Variants in C4orf51 observed in about 807,000 individuals in gnomAD.
C4orf51 encodes the protein uncharacterized protein C4orf51.
C4orf51 carries 25 observed loss-of-function variants against 25.2 expected under a neutral mutation model. The ratio of observed to expected loss-of-function variants is 0.99; its 90% CI spans 0.72 to 1.39. The LOEUF (loss-of-function observed/expected upper bound fraction) is 1.39, where lower values mean the gene tolerates loss of function less well. Ranked by LOEUF, C4orf51 falls within the 40% of genes most tolerant of loss-of-function variation. The pLI, the probability that C4orf51 is intolerant of heterozygous loss-of-function variation, is 0.00. For missense variants in C4orf51, 252 were observed against 239.6 expected (o/e 1.05, Z -0.34); for synonymous variants, 100 against 84.5 (o/e 1.18, Z -1.01).
At chr4:145,687,272 T>C (rs1316517258) in intron 1 of C4orf51, among the ~76,000 whole-genome samples, 3 of 152,162 alleles carry the variant, frequency 2.0e-5, no homozygotes, top group Admixed American at 2.0e-4. Context: ...TCTTCCTGCC[T>C]TTGCTTCAAG....
chr4:145,717,207 A>C (rs1373186932), intron 2 of C4orf51, among the ~76,000 whole-genome samples: 2 of 152,206 alleles, frequency 1.3e-5, no homozygotes, highest in Non-Finnish European at 2.9e-5. Context: ...TGGAAACATG[A>C]GTAGCGAAAG....
intron 2 of C4orf51, among the ~76,000 whole-genome samples, chr4:145,701,904 C>A (rs986360335): frequency 1.8e-4 from 27 of 152,184 alleles, no homozygotes; most frequent in African/African-American, 6.5e-4. Flanking sequence ...TGGACTACAG[C>A]CGCATCTCAT....
chr4:145,729,053 T>G (rs1732271231), intron 3 of C4orf51, 116 bp from the exon 4 acceptor site: 4 of 725,788 alleles, frequency 5.5e-6, no homozygotes, highest in Non-Finnish European at 9.6e-6. Flanking sequence ...TTGACAGCAG[T>G]ATCAGTGCTT....
At chr4:145,769,222 A>G (rs952844549) in intron 1 of C4orf51, among the ~76,000 whole-genome samples, 4 of 151,656 alleles carry the variant, frequency 2.6e-5, no homozygotes, top group Non-Finnish European at 5.9e-5. Context: ...CATGAGGAGC[A>G]ATGGTATATG....
At chr4:145,776,513 CT>C in the C4orf51 span, among the ~76,000 whole-genome samples, 3 of 150,118 alleles carry the variant, frequency 2.0e-5, no homozygotes, top group Admixed American at 6.7e-5. Flanking sequence ...AGATAACCTG[CT>C]TTTTTTTTCC....
At chr4:145,708,229 A>T (rs1730940054) in intron 2 of C4orf51, among the ~76,000 whole-genome samples, 1 of 152,232 alleles carries the variant, frequency 6.6e-6, no homozygotes, top group African/African-American at 2.4e-5. Context: ...TAGTTATGAA[A>T]GACTGAAGAG....
At chr4:145,698,257 G>C (rs1274374972) in intron 2 of C4orf51, among the ~76,000 whole-genome samples, 1 of 152,190 alleles carries the variant, frequency 6.6e-6, no homozygotes, top group African/African-American at 2.4e-5. Flanking sequence ...TTTTGCCAAG[G>C]TGAAGGACAC....
intron 3 of C4orf51, among the ~76,000 whole-genome samples, chr4:145,727,725 A>AG (rs1010393305): frequency 2.0e-5 from 3 of 149,662 alleles, no homozygotes; most frequent in African/African-American, 7.4e-5. Flanking sequence ...AAAAAAAAAA[A>AG]TACAAAATTA....
chr4:145,727,089 C>T (rs1056873809), intron 3 of C4orf51, 120 bp downstream of exon 3: 20 of 711,866 alleles, frequency 2.8e-5, no homozygotes, highest in South Asian at 2.6e-4. Flanking sequence ...ATTCACCAAA[C>T]GTTTATTCCT....
At chr4:145,726,063 A>T (rs1470320097) in intron 2 of C4orf51, among the ~76,000 whole-genome samples, 1 of 152,176 alleles carries the variant, frequency 6.6e-6, no homozygotes, top group East Asian at 1.9e-4. Context: ...ATCATAGGAG[A>T]ACATAGCAGA....
chr4:145,729,387 T>C (rs767749057), intron 4 of C4orf51, among the ~76,000 whole-genome samples, 158 bp downstream of exon 4: 44 of 139,256 alleles, frequency 3.2e-4, no homozygotes, highest in South Asian at 9.8e-4. Context: ...CTGCAAGCTC[T>C]GCCTCCCACG....
intron 1 of C4orf51, among the ~76,000 whole-genome samples, chr4:145,688,374 G>C (rs138244777): frequency 2.1e-3 from 326 of 152,268 alleles, no homozygotes; most frequent in African/African-American, 7.6e-3. Flanking sequence ...AAAGATGATA[G>C]ATGTGGTTTG....
chr4:145,693,203 GA>G (rs1417621917), intron 1 of C4orf51, among the ~76,000 whole-genome samples: 2 of 149,488 alleles, frequency 1.3e-5, no homozygotes, highest in Non-Finnish European at 3.0e-5. Flanking sequence ...TTGTGTCCCT[GA>G]TTACTTGAGA....
Position 145,762,966 on chromosome 4 carries a change from C to T in C4orf51, n.167-8022C>T. On this transcript the variant is annotated intron_variant and non_coding_transcript_variant, in intron 1 of 1. Coordinates refer to the C4orf51 transcript ENST00000510096. The surrounding 1 kb of genome is among the most constrained non-coding windows in gnomAD (Gnocchi z 4.9). ...CAACCAAGTGCACCGTGCACGGCCT[C>T]CTCAGCGCCAAGCTCGCCGTTAGCC... 1.1e-6 allele frequency: 1 copy of T among 923,396 alleles called. No homozygotes were observed. Among genetic ancestry groups the T allele is most frequent in the African/African-American group, 1.7e-5 (1 of 60,364 alleles). 57.2% of individuals were successfully genotyped at this position (923,396 alleles called of 1,614,324 possible).
the C4orf51 span, among the ~76,000 whole-genome samples, chr4:145,782,131 G>A: frequency 1.3e-5 from 2 of 152,180 alleles, no homozygotes; most frequent in East Asian, 1.9e-4. Flanking sequence ...TCCAAGCCTC[G>A]TCTAGGAATC....
intron 2 of C4orf51, among the ~76,000 whole-genome samples, chr4:145,723,204 T>A (rs767202920): frequency 5.4e-4 from 83 of 152,298 alleles, no homozygotes; most frequent in Non-Finnish European, 9.3e-4. Context: ...ACACTTATAC[T>A]GGCCAACAAT....
chr4:145,724,439 A>G (rs1330866040), intron 2 of C4orf51, among the ~76,000 whole-genome samples: 3 of 152,212 alleles, frequency 2.0e-5, no homozygotes, highest in African/African-American at 7.2e-5. Flanking sequence ...ATAGCACACA[A>G]AGCAATGAAC....
At chr4:145,732,858 G>A, downstream of C4orf51, 1 of 210,202 alleles carries the variant, frequency 4.8e-6, no homozygotes, top group Non-Finnish European at 9.5e-6. Context: ...CCGACCGTCG[G>A]GGGCTCCGGC....
chr4:145,729,930 A>G lies in C4orf51; in HGVS notation c.466A>G (p.Asn156Asp), dbSNP rs1732367800. The change falls in exon 5 of 6, where the codon AAC becomes GAC. Residue 156 changes from asparagine (N) to aspartate (D), a missense_variant. Physicochemically the swap from Asn to Asp is conservative, Grantham distance 23 (BLOSUM62 1). Transcript: ENST00000438731. ...AAAGCCAGCACAGGAGGCCCTGATA[A>G]ACTACAGTCGACGAGGGAAAGGTGT... ...PKKPAQEALI[N>D]YSRRGKGVLK... 1 of 1,613,858 alleles carries G rather than the reference A, an allele frequency of 6.2e-7. No individual in the cohort carries two copies. Among genetic ancestry groups the G allele is most frequent in the African/African-American group, 1.3e-5 (1 of 74,926 alleles).
Sources: allele counts gnomAD v4.1 joint callset (sites outside exome capture counted in the v4.1 genomes callset), GRCh38; gene constraint gnomAD v4.1.1; non-coding constraint Gnocchi (gnomAD v3.1); transcripts MANE v1.5; gene names NCBI Gene and HGNC (gene_info 2026-07-23, HGNC 2026-07-21).